CCDC15: variants seen among roughly 807,000 people sequenced by gnomAD.
CCDC15 encodes the protein coiled-coil domain containing 15.
Under a neutral mutation model 114.5 loss-of-function variants are expected in CCDC15, and 105 were observed. That is an observed-to-expected ratio of 0.92 (90% CI 0.78 to 1.08). CCDC15 has a LOEUF of 1.08. CCDC15 is among the 50% of genes least tolerant of loss of function. CCDC15 has a pLI of 0.00. For synonymous variants in CCDC15, 334 were observed against 377.8 expected (o/e 0.88, Z 1.34); for missense variants, 1,105 against 1,093.6 (o/e 1.01, Z -0.15).
rs76670983 is a variant in CCDC15 at position 125,041,031 on chromosome 11, A to G, written c.*320A>G. ...AGTCTTTGAGATTCTCTTATTTATC[A>G]TCTTTCTAAAACTGTGTTTTTGAGC... On this transcript the variant is annotated 3_prime_UTR_variant, in exon 16 of 16. Coordinates refer to ENST00000344762, the MANE Select transcript of CCDC15 (RefSeq NM_025004.3). The G allele has an allele frequency of 0.017, 3,386 of 195,092 alleles. 130 individuals are homozygous for G. Among genetic ancestry groups the G allele is most frequent in the African/African-American group, 0.073 (3,141 of 43,208 alleles). 12.1% of individuals were successfully genotyped at this position (195,092 alleles called of 1,614,324 possible).
Position 125,018,705 on chromosome 11 carries a change from T to C in CCDC15, c.2411+13493T>C, listed in dbSNP as rs143801106. On this transcript the variant is annotated intron_variant, in intron 13 of 15. Transcript: ENST00000344762. ...TGAGGTAACGTGTAAATGTGCTTAG[T>C]ACAGAATCACAAATATAGTATGTAC... Among the ~76,000 whole-genome samples, 505 of 152,204 alleles carry C rather than the reference T, an allele frequency of 3.3e-3. 1 individual carries two copies. The highest frequency in any genetic ancestry group is 0.011 in the African/African-American group (440 of 41,548).
At chr11:125,040,374 A>G (rs1473174532) in intron 15 of CCDC15, among the ~76,000 whole-genome samples, 2 of 152,140 alleles carry the variant, frequency 1.3e-5, no homozygotes, top group African/African-American at 2.4e-5. Context: ...GTTTGGAAGT[A>G]TTACATGGCA....
At chr11:124,972,076 C>T (rs891923525) in intron 4 of CCDC15, among the ~76,000 whole-genome samples, 4 of 151,968 alleles carry the variant, frequency 2.6e-5, no homozygotes, top group South Asian at 2.1e-4. Context: ...ATTATGTTTC[C>T]GTCTATGTAT....
chr11:125,035,499 G>A (rs543742491), intron 13 of CCDC15, among the ~76,000 whole-genome samples: 2,296 of 150,928 alleles, frequency 0.015, 35 homozygotes, highest in Non-Finnish European at 0.022. Context: ...TGCAGGCAAG[G>A]AATTGTTGGA....
intron 13 of CCDC15, among the ~76,000 whole-genome samples, chr11:125,025,633 T>C (rs1948696946): frequency 6.6e-6 from 1 of 152,118 alleles, no homozygotes; most frequent in Non-Finnish European, 1.5e-5. Context: ...ATTTTTTTCT[T>C]GAGTTACCTT....
Position 125,040,629 on chromosome 11 carries a change from A to G in CCDC15, c.2774A>G (p.Asp925Gly). 1 of 1,611,598 alleles carries G rather than the reference A, an allele frequency of 6.2e-7. No homozygotes were observed. Among genetic ancestry groups the G allele is most frequent in the Middle Eastern group, 1.6e-4 (1 of 6,062 alleles). Residue 925 changes from aspartate (D) to glycine (G), a missense_variant, in exon 16 of 16, where the codon GAT becomes GGT. Physicochemically the swap from Asp to Gly is moderately conservative, Grantham distance 94. Transcript: ENST00000344762. The stretch of plus-strand genomic sequence containing the variant: ...CTACATTCATTCATCAATTCCTGTG[A>G]TGTCCCTGGGGGTAATTCAACTCTT... ...RALHSFINSCDVPGGNSTLRV... is the reference protein window; with the variant it reads ...RALHSFINSCGVPGGNSTLRV...
At chr11:124,982,704 C>T (rs1312892238) in intron 6 of CCDC15, among the ~76,000 whole-genome samples, 2 of 152,164 alleles carry the variant, frequency 1.3e-5, no homozygotes, top group Non-Finnish European at 2.9e-5. Context: ...TCTCTTCTCC[C>T]TGGCTGCCTT....
At chr11:125,021,005 G>C (rs1948657165) in intron 13 of CCDC15, among the ~76,000 whole-genome samples, 1 of 151,690 alleles carries the variant, frequency 6.6e-6, no homozygotes, top group Admixed American at 6.6e-5. Flanking sequence ...GAATATCAGG[G>C]ATTGATCTAT....
chr11:125,038,462 G>T lies in CCDC15; in HGVS notation c.2443G>T (p.Ala815Ser), dbSNP rs747374910. ...GAAAAAGAGAGAGCAAGAATGTTAT[G>T]CTGCAGAGCAGAGGATCCTAAGAAT... Reference protein sequence around the residue: ...IKKKREQECYAAEQRILRMNF... With the variant: ...IKKKREQECYSAEQRILRMNF... The change falls in exon 14 of 16, where the codon GCT becomes TCT. Residue 815 changes from alanine (A) to serine (S), a missense_variant. By Grantham distance (99) the Ala-to-Ser change is moderately conservative (BLOSUM62 1). Coordinates refer to ENST00000344762, the MANE Select transcript of CCDC15 (RefSeq NM_025004.3). The T allele has an allele frequency of 4.5e-6, 7 of 1,551,582 alleles. No individual in the cohort carries two copies. In the Admixed American group the frequency reaches 1.2e-4, roughly 27 times the overall value.
At chr11:124,990,211 G>A (rs1309235190) in intron 8 of CCDC15, among the ~76,000 whole-genome samples, 1 of 152,166 alleles carries the variant, frequency 6.6e-6, no homozygotes, top group African/African-American at 2.4e-5. Flanking sequence ...AGGAGAGGTA[G>A]GGGGGTGGCC....
rs1948815269 is a variant in CCDC15 at position 125,041,256 on chromosome 11, C to T, written c.*545C>T. On this transcript the variant is annotated 3_prime_UTR_variant, in exon 16 of 16. Coordinates refer to ENST00000344762, the MANE Select transcript of CCDC15 (RefSeq NM_025004.3). The stretch of plus-strand genomic sequence containing the variant: ...TTTTAAAATGTATTGCCTCTTTCCC[C>T]ATTCAGTGACACTGGACATAGGAAT... 1 of 152,162 alleles carries T rather than the reference C, an allele frequency of 6.6e-6. No individual in the cohort carries two copies. Among genetic ancestry groups the T allele is most frequent in the East Asian group, 1.9e-4 (1 of 5,198 alleles). 9.4% of individuals were successfully genotyped at this position (152,162 alleles called of 1,614,324 possible). A position where few individuals can be genotyped will look rare whatever the true frequency, so the allele number is the denominator to read the frequency against.
In CCDC15 at chr11:125,020,686, G is replaced by A. The variant is rs546471445; in HGVS notation, c.2411+15474G>A. 3.9e-5 allele frequency among the ~76,000 whole-genome samples: 6 copies of A among 151,942 alleles called. No individual in the cohort carries two copies. In the East Asian group the frequency reaches 7.7e-4, roughly 20 times the overall value. ...TTCACACCATTGCTCTAGGAGAAAC[G>A]GATAAATTGACATATTGATTTCTGA... is the stretch of plus-strand genomic sequence containing the variant. On this transcript the variant is annotated intron_variant, in intron 13 of 15. Coordinates refer to ENST00000344762, the MANE Select transcript of CCDC15 (RefSeq NM_025004.3).
chr11:125,003,021 A>G (rs1422697454), intron 11 of CCDC15, among the ~76,000 whole-genome samples: 1 of 152,048 alleles, frequency 6.6e-6, no homozygotes, highest in African/African-American at 2.4e-5. Context: ...CTTCCAGTCC[A>G]TAAACATGGG....
intron 11 of CCDC15, among the ~76,000 whole-genome samples, chr11:124,994,388 G>A (rs139518108): frequency 3.9e-4 from 60 of 152,210 alleles, no homozygotes; most frequent in African/African-American, 1.3e-3. Flanking sequence ...TTCATACAGC[G>A]CAAAATGTAT....
intron 13 of CCDC15, among the ~76,000 whole-genome samples, chr11:125,028,913 A>G (rs1408382107): frequency 6.6e-6 from 1 of 152,014 alleles, no homozygotes; most frequent in East Asian, 1.9e-4. Context: ...TATAAGGGGG[A>G]GTTTATTAAC....
intron 13 of CCDC15, among the ~76,000 whole-genome samples, chr11:125,024,075 T>C (rs1398012005): frequency 6.6e-6 from 1 of 152,002 alleles, no homozygotes; most frequent in Admixed American, 6.6e-5. Context: ...AAATTGTATC[T>C]CAACATTAAA....
intron 11 of CCDC15, among the ~76,000 whole-genome samples, chr11:124,997,098 A>G (rs1031202255): frequency 2.6e-5 from 4 of 152,210 alleles, no homozygotes; most frequent in African/African-American, 7.2e-5. Flanking sequence ...TTATTTGAAT[A>G]TATCACAGTT....
chr11:125,005,184 CA>C lies in CCDC15; in HGVS notation c.2388del (p.Glu797AsnfsTer25). On this transcript the variant is annotated frameshift_variant, in exon 13 of 16. Coordinates refer to ENST00000344762, the MANE Select transcript of CCDC15 (RefSeq NM_025004.3). LOFTEE classifies it high-confidence loss of function. ...EREQVKEQQRQKEQKKKIEKI... is the reference protein window; with the variant it reads ...EREQVKEQQRXKEQKKKIEKI... The stretch of plus-strand genomic sequence containing the variant: ...AGAACAAGTTAAAGAACAACAAAGG[CA>C]AAAAGAACAAAAGAAGAAAATTGAA... 1.3e-6 allele frequency: 2 copies of C among 1,542,548 alleles called. No individual in the cohort carries two copies. The highest frequency in any genetic ancestry group is 1.8e-6 in the Non-Finnish European group (2 of 1,130,082).
intron 13 of CCDC15, among the ~76,000 whole-genome samples, chr11:125,023,068 T>G (rs1330719534): frequency 7.2e-5 from 11 of 151,956 alleles, no homozygotes; most frequent in Admixed American, 6.6e-5. Flanking sequence ...GTGCTTTTGA[T>G]GACTTATTTA....
Sources: gnomAD v4.1 joint callset for allele counts (sites outside exome capture counted in the v4.1 genomes callset) on GRCh38, gnomAD v4.1.1 for gene constraint, MANE v1.5 for transcripts, NCBI Gene and HGNC (gene_info 2026-07-23, HGNC 2026-07-21) for gene names.